Variants in METTL21A observed in about 807,000 individuals in gnomAD.
METTL21A encodes the protein protein N-lysine methyltransferase METTL21A.
METTL21A carries 22 observed loss-of-function variants against 20.9 expected under a neutral mutation model. The ratio of observed to expected loss-of-function variants is 1.05; its 90% CI spans 0.75 to 1.50. The LOEUF (loss-of-function observed/expected upper bound fraction) is 1.50. Among genes scored for constraint, METTL21A ranks in the 40% most tolerant of loss-of-function variants. The pLI, the probability that METTL21A is intolerant of heterozygous loss-of-function variation, is 0.00. For synonymous variants in METTL21A, 93 were observed against 102.0 expected, an observed-to-expected ratio of 0.91 and a Z score of 0.53; for missense variants, 271 against 266.8, an observed-to-expected ratio of 1.02 and a Z score of -0.11.
intron 3 of METTL21A, among the ~76,000 whole-genome samples, chr2:207,591,622 G>A (rs1490284119): frequency 6.6e-6 from 1 of 152,040 alleles, no homozygotes; most frequent in East Asian, 1.9e-4. Flanking sequence ...TAGTAGAGAC[G>A]GGGTTTCGCC....
At chr2:207,617,768 G>A (rs1209262660) in intron 3 of METTL21A, among the ~76,000 whole-genome samples, 1 of 152,194 alleles carries the variant, frequency 6.6e-6, no homozygotes, top group African/African-American at 2.4e-5. Flanking sequence ...GATCATGCAG[G>A]CAGGTGACAG....
At chr2:207,601,452 A>G (rs1464991919) in intron 3 of METTL21A, 4 of 191,314 alleles carry the variant, frequency 2.1e-5, no homozygotes, top group South Asian at 1.9e-4. Context: ...AGGAAATTAG[A>G]TATGACTAGC....
downstream of METTL21A, among the ~76,000 whole-genome samples, chr2:207,607,424 G>T (rs915233484): frequency 6.6e-6 from 1 of 150,616 alleles, no homozygotes; most frequent in Non-Finnish European, 1.5e-5. Flanking sequence ...GAAAGAAAAC[G>T]ATATATGGAT....
intron 3 of METTL21A, among the ~76,000 whole-genome samples, chr2:207,604,053 GAC>G (rs1232574422): frequency 6.6e-6 from 1 of 152,140 alleles, no homozygotes; most frequent in Non-Finnish European, 1.5e-5. Flanking sequence ...CACAAAATGA[GAC>G]ATTTTGAGAG....
chr2:207,619,470 ACTT>A (rs2090206076), intron 3 of METTL21A, among the ~76,000 whole-genome samples: 3 of 152,172 alleles, frequency 2.0e-5, no homozygotes, highest in Admixed American at 2.0e-4. Context: ...CAACAGCAAA[ACTT>A]CTCCAACCTA....
intron 3 of METTL21A, among the ~76,000 whole-genome samples, chr2:207,590,032 G>T (rs2084669735): frequency 6.8e-6 from 1 of 147,462 alleles, no homozygotes; most frequent in Non-Finnish European, 1.5e-5. Context: ...TATATGGTTG[G>T]TAGAATTTGC....
chr2:207,618,846 G>A (rs1424986921), intron 3 of METTL21A, among the ~76,000 whole-genome samples: 2 of 152,206 alleles, frequency 1.3e-5, no homozygotes, highest in African/African-American at 4.8e-5. Flanking sequence ...GATCACAGGT[G>A]AGGGGGGACT....
At chr2:207,624,506 A>G in intron 1 of METTL21A, 102 bp from the exon 2 acceptor site, 1 of 1,044,330 alleles carries the variant, frequency 9.6e-7, no homozygotes, top group Non-Finnish European at 1.3e-6. Flanking sequence ...AGTTCAAAAG[A>G]AAAAAAGAAA....
At chr2:207,620,392 G>A (rs1037875780) in intron 3 of METTL21A, among the ~76,000 whole-genome samples, 6 of 151,894 alleles carry the variant, frequency 4.0e-5, no homozygotes, top group East Asian at 1.9e-4. Context: ...GCAGTGAGCC[G>A]AGATCATGCC....
chr2:207,617,908 G>A (rs933697232), intron 3 of METTL21A, among the ~76,000 whole-genome samples: 1 of 152,132 alleles, frequency 6.6e-6, no homozygotes, highest in African/African-American at 2.4e-5. Context: ...GTTGGGTGGG[G>A]GCGGTGACTA....
chr2:207,598,361 C>G (rs1218562470), intron 3 of METTL21A: 1 of 182,488 alleles, frequency 5.5e-6, no homozygotes, highest in Admixed American at 6.3e-5. Flanking sequence ...TAGCCTTTGT[C>G]ATTTTATAAT....
downstream of METTL21A, among the ~76,000 whole-genome samples, chr2:207,607,119 T>C (rs1407390658): frequency 2.0e-5 from 3 of 152,138 alleles, no homozygotes; most frequent in Admixed American, 1.3e-4. Flanking sequence ...TCGGGCCTGG[T>C]GGCTCACACC....
exon 4 of METTL21A, chr2:207,581,860 C>T (rs1287831575): frequency 1.4e-6 from 1 of 702,512 alleles, no homozygotes; most frequent in Non-Finnish European, 2.6e-6. Flanking sequence ...AGTTTGTTTC[C>T]TTGTCTTTGA....
chr2:207,607,349 GCACTC>G (rs1174536115), downstream of METTL21A, among the ~76,000 whole-genome samples: 43 of 151,584 alleles, frequency 2.8e-4, no homozygotes, highest in Admixed American at 2.4e-3. Context: ...TCACACCACT[GCACTC>G]CACTCCACCC....
At chr2:207,587,268 C>G (rs895346520) in intron 3 of METTL21A, among the ~76,000 whole-genome samples, 31 of 151,914 alleles carry the variant, frequency 2.0e-4, no homozygotes, top group African/African-American at 5.6e-4. Flanking sequence ...TGGCGGGTGC[C>G]TGTAGTCCCA....
intron 3 of METTL21A, among the ~76,000 whole-genome samples, chr2:207,592,911 C>CAAAAAAGAAACAACAAAATAA (rs2085346072): frequency 6.9e-6 from 1 of 145,122 alleles, no homozygotes; most frequent in Admixed American, 6.9e-5. Flanking sequence ...GACTCCATCT[C>CAAAAAAGAAACAACAAAATAA]AAAAAAGAAA....
intron 3 of METTL21A, among the ~76,000 whole-genome samples, chr2:207,619,229 G>A (rs535151790): frequency 6.9e-6 from 1 of 145,616 alleles, no homozygotes; most frequent in East Asian, 2.0e-4. Context: ...AACTCAGAAC[G>A]TAAGCTTCCG....
At chr2:207,622,246 G>A (rs2090582834) in intron 2 of METTL21A, among the ~76,000 whole-genome samples, 1 of 146,110 alleles carries the variant, frequency 6.8e-6, no homozygotes, top group African/African-American at 2.6e-5. Context: ...TCAGCTCACT[G>A]CAACCTCCAC....
chr2:207,616,817 G>C (rs2089817619), intron 3 of METTL21A, among the ~76,000 whole-genome samples: 1 of 152,188 alleles, frequency 6.6e-6, no homozygotes, highest in Non-Finnish European at 1.5e-5. Context: ...ACTCCAGCCT[G>C]GGCGACAAGA....
Sources: allele counts gnomAD v4.1 joint callset (sites outside exome capture counted in the v4.1 genomes callset), GRCh38; gene constraint gnomAD v4.1.1; transcripts MANE v1.5; gene names NCBI Gene and HGNC (gene_info 2026-07-23, HGNC 2026-07-21).